Variants in WASHC5 observed in about 807,000 individuals in gnomAD.
The protein encoded by WASHC5 is WASH complex subunit 5.
WASHC5 carries 101 observed loss-of-function variants against 150.4 expected under a neutral mutation model. That is an observed-to-expected ratio of 0.67 (90% confidence interval 0.57 to 0.79). The LOEUF is 0.79. Ranked by LOEUF, WASHC5 falls within the 30% of genes least tolerant of loss-of-function variation. The pLI, the probability that WASHC5 is intolerant of heterozygous loss-of-function variation, is 0.00. For missense variants in WASHC5, 1,195 were observed against 1,396.3 expected (o/e 0.86, Z 2.30); for synonymous variants, 467 against 491.2 (o/e 0.95, Z 0.65).
intron 26 of WASHC5, chr8:125,032,724 ACTGACTT>A: frequency 2.9e-6 from 1 of 346,448 alleles, no homozygotes; most frequent in Non-Finnish European, 5.5e-6. Context: ...AATCACTACA[ACTGACTT>A]CTGTTAACGG....
In WASHC5 at chr8:125,024,341, T is replaced by C. The variant is rs940051692; in HGVS notation, c.*276A>G. The C allele has an allele frequency of 2.0e-5, 10 of 501,112 alleles. No homozygotes were observed. Among genetic ancestry groups the C allele is most frequent in the Admixed American group, 3.2e-5 (1 of 30,778 alleles). The allele number at this position is 501,112 out of a possible 1,614,324, so 31.0% of individuals were successfully genotyped here. A position where few individuals can be genotyped will look rare whatever the true frequency, so the allele number is the denominator to read the frequency against. On this transcript the variant is annotated 3_prime_UTR_variant, in exon 29 of 29. Coordinates refer to ENST00000318410, the MANE Select transcript of WASHC5 (RefSeq NM_014846.4). ...TAGAACATAAAACTAAATGGATTTATACATAACAGTTACATTCAGCATTTA... is the reference window on the plus strand; with the variant it reads ...TAGAACATAAAACTAAATGGATTTACACATAACAGTTACATTCAGCATTTA...
At chr8:125,047,903 G>A (rs577503156) in intron 19 of WASHC5, among the ~76,000 whole-genome samples, 4 of 152,154 alleles carry the variant, frequency 2.6e-5, no homozygotes, top group East Asian at 1.9e-4. Context: ...CTGGAGTGCC[G>A]TGGTGTGATC....
intron 26 of WASHC5, chr8:125,032,719 C>T (rs1815577878): frequency 2.8e-6 from 1 of 353,092 alleles, no homozygotes; most frequent in South Asian, 2.4e-5. Flanking sequence ...AAAAAAATCA[C>T]TACAACTGAC....
In WASHC5 at chr8:125,083,953, C is replaced by T; in HGVS notation, c.-55G>A. ...GACACTGGGGATGATTAACTGGCCT[C>T]AGAGCTGGTGTCTGTATATTATTAG... On this transcript the variant is annotated 5_prime_UTR_variant, in exon 2 of 29. It removes the in-frame stop codon of an upstream open reading frame in the 5' UTR. Transcript: ENST00000318410. The T allele has an allele frequency of 4.6e-6, 7 of 1,525,270 alleles. No individual in the cohort carries two copies. Among genetic ancestry groups the T allele is most frequent in the Non-Finnish European group, 6.3e-6 (7 of 1,107,052 alleles). 94.5% of individuals were successfully genotyped at this position (1,525,270 alleles called of 1,614,324 possible). A position where few individuals can be genotyped will look rare whatever the true frequency, so the allele number is the denominator to read the frequency against.
intron 9 of WASHC5, among the ~76,000 whole-genome samples, chr8:125,068,673 G>C (rs1215147050): frequency 6.6e-6 from 1 of 152,140 alleles, no homozygotes; most frequent in Non-Finnish European, 1.5e-5. Flanking sequence ...ACAAAGATGA[G>C]GGACCCCCAA....
intron 15 of WASHC5, 90 bp downstream of exon 15, chr8:125,057,466 G>A (rs1412189375): frequency 1.2e-6 from 1 of 854,886 alleles, no homozygotes; most frequent in African/African-American, 1.7e-5. Flanking sequence ...AAGAGACACG[G>A]ATATACTTTT....
intron 1 of WASHC5, among the ~76,000 whole-genome samples, chr8:125,087,235 T>C (rs73704526): frequency 0.054 from 8,180 of 152,282 alleles, 289 homozygotes; most frequent in African/African-American, 0.094. Context: ...TGTATAATAA[T>C]GTCCATGTAG....
intron 27 of WASHC5, among the ~76,000 whole-genome samples, chr8:125,031,111 A>G (rs1288822794): frequency 6.6e-6 from 1 of 152,220 alleles, no homozygotes; most frequent in Non-Finnish European, 1.5e-5. Context: ...AGGTAGCACA[A>G]GCCCCCTCGG....
rs772432466 is a variant in WASHC5 at position 125,037,348 on chromosome 8, G to A, written c.3085-15C>T. Reference sequence around the variant, plus strand: ...GTTATGTATATCTGGAAAGAGAAAGGTAAGAAAAATAGATGGTTAAATCAC... The same window carrying A: ...GTTATGTATATCTGGAAAGAGAAAGATAAGAAAAATAGATGGTTAAATCAC... On this transcript the variant is annotated splice_polypyrimidine_tract_variant and intron_variant, in intron 25 of 28. Transcript: ENST00000318410. The A allele has an allele frequency of 6.9e-7, 1 of 1,459,128 alleles. No homozygotes were observed. The highest frequency in any genetic ancestry group is 9.6e-7 in the Non-Finnish European group (1 of 1,039,074). The allele number at this position is 1,459,128 out of a possible 1,614,324, so 90.4% of individuals were successfully genotyped here. A position where few individuals can be genotyped will look rare whatever the true frequency, so the allele number is the denominator to read the frequency against.
chr8:125,042,749 C>T (rs146517228), intron 23 of WASHC5, among the ~76,000 whole-genome samples: 2 of 152,206 alleles, frequency 1.3e-5, no homozygotes, highest in Non-Finnish European at 2.9e-5. Context: ...GCCTGGGAAG[C>T]GCTTAATATC....
chr8:125,040,436 A>G (rs755792755), intron 23 of WASHC5, among the ~76,000 whole-genome samples: 3 of 152,162 alleles, frequency 2.0e-5, no homozygotes, highest in Admixed American at 6.5e-5. Context: ...TTTCACGAAA[A>G]TTTTAACAAT....
intron 9 of WASHC5, among the ~76,000 whole-genome samples, chr8:125,071,448 C>T (rs1361450552): frequency 5.9e-5 from 9 of 152,220 alleles, no homozygotes; most frequent in Non-Finnish European, 1.2e-4. Context: ...AATAAGCACT[C>T]TGGTCCAGCC....
In WASHC5 at chr8:125,061,094, T is replaced by C. The variant is rs754814544; in HGVS notation, c.1509A>G (p.Gln503=). 50 of 1,601,170 alleles carry C rather than the reference T, an allele frequency of 3.1e-5. No homozygotes were observed. Among genetic ancestry groups the C allele is most frequent in the Non-Finnish European group, 4.2e-5 (49 of 1,168,460 alleles). Residue 503 remains glutamine, a synonymous_variant, in exon 12 of 29, where the codon CAA becomes CAG. Transcript: ENST00000318410. ...AAGRKTVQLI[Q]ALEEVQEFHQ... is the part of the protein sequence containing the mutation. The stretch of plus-strand genomic sequence containing the variant: ...AGCGTTTCCTTACCTCTTCCAAAGC[T>C]TGTATCAGTTGTACAGTTTTTCTGC...
chr8:125,042,589 C>T (rs896065989), intron 23 of WASHC5, among the ~76,000 whole-genome samples: 1 of 152,152 alleles, frequency 6.6e-6, no homozygotes, highest in Admixed American at 6.5e-5. Flanking sequence ...GGACTGAGAA[C>T]CCTCCAGTAA....
intron 18 of WASHC5, among the ~76,000 whole-genome samples, chr8:125,049,663 G>A (rs542635779): frequency 4.3e-4 from 65 of 152,094 alleles, no homozygotes; most frequent in African/African-American, 1.5e-3. Flanking sequence ...CCTGGCCAAC[G>A]TGATGAAACC....
chr8:125,059,656 GT>G, intron 12 of WASHC5, 114 bp from the exon 13 acceptor site: 1 of 762,032 alleles, frequency 1.3e-6, no homozygotes, highest in Non-Finnish European at 2.1e-6. Flanking sequence ...TCTTGATAAA[GT>G]TTTTATTTCA....
intron 17 of WASHC5, among the ~76,000 whole-genome samples, chr8:125,053,136 A>C (rs1816297154): frequency 6.6e-6 from 1 of 151,360 alleles, no homozygotes; most frequent in African/African-American, 2.4e-5. Context: ...CTAACAATGA[A>C]TGCTTATATC....
chr8:125,070,951 A>G (rs3860845), intron 9 of WASHC5, among the ~76,000 whole-genome samples: 77,643 of 152,090 alleles, frequency 0.51, 23,686 homozygotes, highest in African/African-American at 0.86. Flanking sequence ...GGTAGCTAGA[A>G]GGACTGTGAA....
At chr8:125,030,338 A>G (rs1339288380) in intron 27 of WASHC5, among the ~76,000 whole-genome samples, 1 of 152,116 alleles carries the variant, frequency 6.6e-6, no homozygotes, top group African/African-American at 2.4e-5. Flanking sequence ...GATTGTTACA[A>G]TTTCATTTTT....
Sources: gnomAD v4.1 joint callset for allele counts (sites outside exome capture counted in the v4.1 genomes callset) on GRCh38, gnomAD v4.1.1 for gene constraint, MANE v1.5 for transcripts, NCBI Gene and HGNC (gene_info 2026-07-23, HGNC 2026-07-21) for gene names.